Variants in PLXNB2 observed in about 807,000 individuals in gnomAD.
PLXNB2 encodes plexin-B2.
Under a neutral mutation model 202.6 loss-of-function variants are expected in PLXNB2, and 85 were observed. That is an observed-to-expected ratio of 0.42 (90% CI 0.35 to 0.50). The LOEUF (loss-of-function observed/expected upper bound fraction) is 0.50, where lower values mean the gene tolerates loss of function less well. Among genes scored for constraint, PLXNB2 ranks in the 20% least tolerant of loss-of-function variants. The probability of loss-of-function intolerance (pLI) is 0.02; values close to 1 mark genes in which losing one functional copy is unlikely to be tolerated. For missense variants in PLXNB2, 2,063 were observed against 2,586.2 expected, an observed-to-expected ratio of 0.80 and a Z score of 4.39; for synonymous variants, 1,239 against 1,137.6, an observed-to-expected ratio of 1.09 and a Z score of -1.79.
In PLXNB2 at chr22:50,290,486, C is replaced by T. The variant is rs376057912; in HGVS notation, c.99G>A (p.Glu33=). Residue 33 remains glutamate (E), a synonymous_variant, in exon 3 of 37, where the codon GAG becomes GAA. Transcript: ENST00000359337. ...RKLDFFRSEK[E]LNHLAVDEAS... ...CCTCATCCACAGCCAGGTGGTTCAG[C>T]TCTTTCTCGCTGCGGAAGAAGTCCA... The T allele has an allele frequency of 2.6e-4, 425 of 1,612,834 alleles. No individual in the cohort carries two copies. The highest frequency in any genetic ancestry group is 3.4e-4 in the Non-Finnish European group (404 of 1,179,992).
chr22:50,300,903 A>G (rs1209202800), intron 1 of PLXNB2, among the ~76,000 whole-genome samples: 3 of 152,096 alleles, frequency 2.0e-5, no homozygotes, highest in Admixed American at 1.3e-4. Context: ...CACCCAGGCC[A>G]CCTGGTACCC....
intron 25 of PLXNB2, 66 bp from the exon 26 acceptor site, chr22:50,280,137 C>T: frequency 1.5e-6 from 2 of 1,339,458 alleles, no homozygotes; most frequent in Non-Finnish European, 2.1e-6. Flanking sequence ...ACTGACTCCT[C>T]CAAGCACCCG....
chr22:50,276,314 A>AGCCGCAGGGAGGGGGCGCTG (rs2065570880), intron 35 of PLXNB2, among the ~76,000 whole-genome samples: 2 of 4,458 alleles, frequency 4.5e-4, no homozygotes, highest in Non-Finnish European at 8.8e-4. Context: ...ACGGCCGTGG[A>AGCCGCAGGGAGGGGGCGCTG]TGGAGCCGCA....
In PLXNB2 at chr22:50,283,355, A is replaced by G. The variant is rs751622813; in HGVS notation, c.2661T>C (p.Asn887=). The change falls in exon 16 of 37, where the codon AAT becomes AAC. Residue 887 remains asparagine, a synonymous_variant. Coordinates refer to ENST00000359337, the MANE Select transcript of PLXNB2 (RefSeq NM_012401.4). ...VFGKLGRSPP[N]VQFTFQQPKP... is the part of the protein sequence containing the mutation. ...TGCTTACTTGGAAGGTGAACTGGACATTGGGAGGCGAACGGCCCAGTTTCC... is the reference window on the plus strand; with the variant it reads ...TGCTTACTTGGAAGGTGAACTGGACGTTGGGAGGCGAACGGCCCAGTTTCC... 1.9e-6 allele frequency: 3 copies of G among 1,613,080 alleles called. No homozygotes were observed. The South Asian group carries it at 3.3e-5, about 18-fold the overall frequency.
chr22:50,287,406 T>C, intron 7 of PLXNB2, 142 bp from the exon 8 acceptor site: 1 of 989,746 alleles, frequency 1.0e-6, no homozygotes, highest in Non-Finnish European at 1.4e-6. Context: ...AATACAGGCC[T>C]CTCTGTGGTC....
At chr22:50,281,254 G>A in intron 22 of PLXNB2, 65 bp from the exon 23 acceptor site, 1 of 1,539,136 alleles carries the variant, frequency 6.5e-7, no homozygotes, top group East Asian at 2.3e-5. Context: ...CGGATGAGGA[G>A]GTGGATCTAC....
chr22:50,300,682 G>A (rs2067633481), intron 1 of PLXNB2, among the ~76,000 whole-genome samples: 1 of 152,166 alleles, frequency 6.6e-6, no homozygotes, highest in South Asian at 2.1e-4. Context: ...CCCCTTCCCC[G>A]CCAGCCTGGT....
Position 50,284,493 on chromosome 22 carries a change from T to A in PLXNB2, c.2181+80A>T. ...TGGGGTCTCCCTGCTGCCCCTCCCC[T>A]CACAGTCCTGAAGGTGACCCCCCAC... On this transcript the variant is annotated intron_variant, in intron 12 of 36. Transcript: ENST00000359337. The surrounding 1 kb of genome is among the most constrained non-coding windows in gnomAD (Gnocchi z 8.0). 9.2e-7 allele frequency: 1 copy of A among 1,086,862 alleles called. No homozygotes were observed. Among genetic ancestry groups the A allele is most frequent in the Non-Finnish European group, 1.4e-6 (1 of 731,110 alleles). The allele number at this position is 1,086,862 out of a possible 1,614,324, so 67.3% of individuals were successfully genotyped here. A position where few individuals can be genotyped will look rare whatever the true frequency, so the allele number is the denominator to read the frequency against.
rs34197202 is a variant in PLXNB2, at chr22:50,296,590, C to CAAAAAAA, written c.-73-1819_-73-1813dup. Among the ~76,000 whole-genome samples, 499 of 56,430 alleles carry CAAAAAAA rather than the reference C, an allele frequency of 8.8e-3. 13 individuals carry two copies. The highest frequency in any genetic ancestry group is 0.033 in the African/African-American group (474 of 14,382). The allele number at this position is 56,430 out of a possible 152,430, so 37.0% of individuals were successfully genotyped here. On this transcript the variant is annotated intron_variant, in intron 1 of 36. Coordinates refer to ENST00000359337, the MANE Select transcript of PLXNB2 (RefSeq NM_012401.4). ...CTGGGGAAAGAGCAAGACTCTGTCT[C>CAAAAAAA]AAAAAAAAAAAAAAAAAAAAAAAGG...
At position 50,282,812 on chromosome 22, in the gene PLXNB2, C is replaced by T; in HGVS notation, c.2886G>A (p.Glu962=). 6 of 1,612,904 alleles carry T rather than the reference C, an allele frequency of 3.7e-6. No homozygotes were observed. Among genetic ancestry groups the T allele is most frequent in the Non-Finnish European group, 5.1e-6 (6 of 1,179,638 alleles). ...GCACGGGGGACCCCCCGTAGGAGAC[C>T]TCCAGAAGCATCTGGCCCCGTGTCG... ...PQATRGQMLL[E]VSYGGSPVPN... The change falls in exon 18 of 37, where the codon GAG becomes GAA. Residue 962 remains glutamate, a synonymous_variant. Transcript: ENST00000359337.
chr22:50,293,462 G>C (rs981018946), intron 2 of PLXNB2, among the ~76,000 whole-genome samples: 1 of 152,176 alleles, frequency 6.6e-6, no homozygotes, highest in East Asian at 1.9e-4. Flanking sequence ...CAACGTCCAG[G>C]CCCCTCGGCC....
At chr22:50,278,093 G>A (rs770693708) in intron 31 of PLXNB2, 24 bp downstream of exon 31, 16 of 1,602,140 alleles carry the variant, frequency 1.0e-5, no homozygotes, top group African/African-American at 2.7e-5. Context: ...GCCTGGTGCC[G>A]CCCACACACC....
Position 50,293,852 on chromosome 22 carries a change from C to T in PLXNB2, c.-14+867G>A, listed in dbSNP as rs547584809. On this transcript the variant is annotated intron_variant, in intron 2 of 36. Transcript: ENST00000359337. ...AGGAAGAAGGCTCTCCTGTCCCTGC[C>T]GGGGGCTGGCACACCCTAAGTGCTC... Among the ~76,000 whole-genome samples the T allele has an allele frequency of 9.2e-5, 14 of 152,330 alleles. No individual in the cohort carries two copies. In the East Asian group the frequency reaches 1.9e-3, roughly 21 times the overall value.
intron 1 of PLXNB2, among the ~76,000 whole-genome samples, chr22:50,304,153 G>A (rs575413873): frequency 1.3e-5 from 2 of 152,256 alleles, no homozygotes; most frequent in Non-Finnish European, 2.9e-5. Context: ...CAGCTCCACA[G>A]CCAGGCCAGC....
chr22:50,275,709 GGTCA>G lies in PLXNB2; in HGVS notation c.5508_5511del (p.Asp1837SerfsTer15). 6.3e-7 allele frequency: 1 copy of G among 1,596,908 alleles called. No individual in the cohort carries two copies. The highest frequency in any genetic ancestry group is 8.6e-7 in the Non-Finnish European group (1 of 1,168,742). ...GCAGCACTGGAGATTGTAGGTCAGA[GGTCA>G]GTGACCTTGTTCTCCAGTGCAGCGG... On this transcript the variant is annotated frameshift_variant, in exon 37 of 37. Coordinates refer to ENST00000359337, the MANE Select transcript of PLXNB2 (RefSeq NM_012401.4). LOFTEE classifies it high-confidence loss of function.
In PLXNB2 at chr22:50,288,871, C is replaced by A; in HGVS notation, c.1252G>T (p.Val418Leu). ...GAGGTGCCATCTGGGGTGAGGTACACCTGTGTGCGCGAGGGCAGGCCGGTG... is the reference window on the plus strand; with the variant it reads ...GAGGTGCCATCTGGGGTGAGGTACAACTGTGTGCGCGAGGGCAGGCCGGTG... ...LGTSDGRILK[V>L]YLTPDGTSSE... The change falls in exon 5 of 37, where the codon GTG becomes TTG. Residue 418 changes from valine (V) to leucine (L), a missense_variant and splice_region_variant. Transcript: ENST00000359337. This position sits in a 1 kb window ranked among gnomAD's most constrained non-coding sequence, Gnocchi z 5.0. 1 of 1,613,350 alleles carries A rather than the reference C, an allele frequency of 6.2e-7. No individual in the cohort carries two copies. The highest frequency in any genetic ancestry group is 1.3e-5 in the African/African-American group (1 of 75,052).
At position 50,287,680 on chromosome 22, in the gene PLXNB2, C is replaced by T; in HGVS notation, c.1595G>A (p.Arg532Gln). 3.9e-6 allele frequency: 6 copies of T among 1,545,154 alleles called. No individual in the cohort carries two copies. The highest frequency in any genetic ancestry group is 1.2e-5 in the South Asian group (1 of 84,434). ...TSAQPQNMSR[R>Q]AQGEVQLTVS... is the part of the protein sequence containing the mutation. ...CCCACCACGCACCTCCCCCTGGGCCCGCCGGCTCATGTTCTGTGGCTGGGC... is the reference window on the plus strand; with the variant it reads ...CCCACCACGCACCTCCCCCTGGGCCTGCCGGCTCATGTTCTGTGGCTGGGC... The change falls in exon 7 of 37, where the codon CGG becomes CAG. Residue 532 changes from arginine (R) to glutamine (Q), a missense_variant. Around this residue, in one of 2 missense-constraint regions of PLXNB2, gnomAD observed 1,303 missense variants for 1,476.8 expected, o/e 0.88. Transcript: ENST00000359337.
chr22:50,296,654 C>T (rs2067300369), intron 1 of PLXNB2, among the ~76,000 whole-genome samples: 1 of 151,352 alleles, frequency 6.6e-6, no homozygotes, highest in Admixed American at 6.6e-5. Flanking sequence ...AGGCTCCACT[C>T]TGCCTCAAGA....
chr22:50,299,731 C>T (rs931062352), intron 1 of PLXNB2, among the ~76,000 whole-genome samples: 1 of 152,102 alleles, frequency 6.6e-6, no homozygotes, highest in Admixed American at 6.5e-5. Flanking sequence ...GCGAGACCGG[C>T]GGCCCCGCCA....
Sources: allele counts gnomAD v4.1 joint callset (sites outside exome capture counted in the v4.1 genomes callset), GRCh38; gene constraint gnomAD v4.1.1; regional missense constraint gnomAD v4.1.1; non-coding constraint Gnocchi (gnomAD v3.1); transcripts MANE v1.5; gene names NCBI Gene and HGNC (gene_info 2026-07-23, HGNC 2026-07-21).